ANAPC16: variants seen among roughly 807,000 people sequenced by gnomAD.
ANAPC16 encodes anaphase promoting complex subunit 16.
A neutral mutation model predicts 13.1 loss-of-function variants in ANAPC16; 6 were observed. The ratio of observed to expected loss-of-function variants is 0.46; its 90% CI spans 0.25 to 0.90. ANAPC16 has a LOEUF of 0.90. ANAPC16 is among the 40% of genes least tolerant of loss of function. The pLI is 0.18. For missense variants in ANAPC16, 113 were observed against 131.1 expected (o/e 0.86, Z 0.67); for synonymous variants, 55 against 51.3 (o/e 1.07, Z -0.31).
At chr10:72,222,424 A>C (rs1192740168) in intron 1 of ANAPC16, among the ~76,000 whole-genome samples, 1 of 42,072 alleles carries the variant, frequency 2.4e-5, no homozygotes, top group African/African-American at 8.5e-5. Context: ...AAATAAATAC[A>C]TACATACATA....
At chr10:72,232,934 T>C in intron 3 of ANAPC16, 67 bp from the exon 4 acceptor site, 1 of 1,259,300 alleles carries the variant, frequency 7.9e-7, no homozygotes, top group Admixed American at 1.7e-5. Flanking sequence ...GTCATCATCT[T>C]GGTGGCTGGT....
chr10:72,227,557 G>A (rs1860160419), intron 2 of ANAPC16, among the ~76,000 whole-genome samples: 1 of 151,854 alleles, frequency 6.6e-6, no homozygotes, highest in Non-Finnish European at 1.5e-5. Flanking sequence ...ATGTAGAGAT[G>A]GCAACCCCTA....
intron 1 of ANAPC16, among the ~76,000 whole-genome samples, chr10:72,221,503 G>A (rs1859928741): frequency 6.6e-6 from 1 of 150,842 alleles, no homozygotes; most frequent in Admixed American, 6.6e-5. Flanking sequence ...TTTCCATCAT[G>A]GCAGAAAGTT....
At chr10:72,229,228 CTTTT>C (rs201528335) in intron 2 of ANAPC16, among the ~76,000 whole-genome samples, 2 of 122,898 alleles carry the variant, frequency 1.6e-5, no homozygotes, top group Admixed American at 8.2e-5. Context: ...TTCTTTTTCT[CTTTT>C]TTTTTTTTTT....
chr10:72,218,169 T>A (rs1292081330), intron 1 of ANAPC16, among the ~76,000 whole-genome samples: 957 of 17,984 alleles, frequency 0.053, 187 homozygotes, highest in African/African-American at 0.19. Flanking sequence ...AAAAAAAATA[T>A]ATATATATAT....
rs567005382 is a variant in ANAPC16 at position 72,235,246 on chromosome 10, C to G, written c.*2130C>G. The stretch of plus-strand genomic sequence containing the variant: ...GGCGGATTGCCTGAGATCGGGAGTT[C>G]GAGACCAGCCTGGCCAACATGGTGA... On this transcript the variant is annotated 3_prime_UTR_variant, in exon 4 of 4. Coordinates refer to ENST00000299381, the MANE Select transcript of ANAPC16 (RefSeq NM_173473.4). 1 of 151,474 alleles carries G rather than the reference C, an allele frequency of 6.6e-6. No individual in the cohort carries two copies. Among genetic ancestry groups the G allele is most frequent in the Non-Finnish European group, 1.5e-5 (1 of 67,982 alleles). The allele number at this position is 151,474 out of a possible 1,614,324, so 9.4% of individuals were successfully genotyped here. A position where few individuals can be genotyped will look rare whatever the true frequency, so the allele number is the denominator to read the frequency against.
chr10:72,230,657 G>T (rs1860269347), intron 3 of ANAPC16, among the ~76,000 whole-genome samples: 1 of 152,202 alleles, frequency 6.6e-6, no homozygotes, highest in Non-Finnish European at 1.5e-5. Flanking sequence ...CACTTTGGGA[G>T]GCTGAGGCGG....
chr10:72,218,160 AAAAAAATATATATATATATATATATATAT>A (rs1859682997), intron 1 of ANAPC16, among the ~76,000 whole-genome samples: 1 of 39,164 alleles, frequency 2.6e-5, no homozygotes, highest in Non-Finnish European at 4.5e-5. Flanking sequence ...AAAAAAAAAA[AAAAAAATATATATATATATATATATATAT>A]ATATATATAT....
chr10:72,233,086 G>A lies in ANAPC16; in HGVS notation c.303G>A (p.Gln101=). ...ADEWRFKPIE[Q]LLGFTPSSG ...AGTGGCGGTTTAAGCCCATCGAGCA[G>A]CTGCTGGGATTCACCCCCTCTTCAG... The change falls in exon 4 of 4, where the codon CAG becomes CAA. Residue 101 remains glutamine, a synonymous_variant. Transcript: ENST00000299381. The A allele has an allele frequency of 6.2e-7, 1 of 1,614,194 alleles. No homozygotes were observed. Among genetic ancestry groups the A allele is most frequent in the Non-Finnish European group, 8.5e-7 (1 of 1,180,022 alleles).
chr10:72,216,219 G>C (rs1859274944), intron 1 of ANAPC16, 81 bp downstream of exon 1: 1 of 155,918 alleles, frequency 6.4e-6, no homozygotes, highest in Non-Finnish European at 1.4e-5. Context: ...GCAGGGACTA[G>C]AAAAATGGAG....
chr10:72,224,070 G>T lies in ANAPC16; in HGVS notation c.142+14G>T. Reference sequence around the variant, plus strand: ...AGATGTTAGAAGGTGATCTCATGCTGCTTTCTGAATAATTGGATTCAGATC... The same window carrying T: ...AGATGTTAGAAGGTGATCTCATGCTTCTTTCTGAATAATTGGATTCAGATC... On this transcript the variant is annotated intron_variant, in intron 2 of 3. Transcript: ENST00000299381. The T allele has an allele frequency of 6.4e-7, 1 of 1,567,508 alleles. No individual in the cohort carries two copies. The highest frequency in any genetic ancestry group is 8.7e-7 in the Non-Finnish European group (1 of 1,148,886).
chr10:72,219,741 CAAAAT>C (rs980396830), intron 1 of ANAPC16, among the ~76,000 whole-genome samples: 10 of 152,098 alleles, frequency 6.6e-5, no homozygotes, highest in Non-Finnish European at 1.5e-4. Flanking sequence ...TGTCTCCAAA[CAAAAT>C]AAAAAATAAA....
chr10:72,229,070 G>T (rs1860212877), intron 2 of ANAPC16, among the ~76,000 whole-genome samples: 2 of 151,372 alleles, frequency 1.3e-5, no homozygotes, highest in African/African-American at 2.4e-5. Context: ...GTTATAATTG[G>T]ACTTTTTAAG....
rs1860418900 is a variant in ANAPC16, at chr10:72,234,567, T to TG, written c.*1452dup. 6.6e-6 allele frequency: 1 copy of TG among 152,250 alleles called. No individual in the cohort carries two copies. Among genetic ancestry groups the TG allele is most frequent in the African/African-American group, 2.4e-5 (1 of 41,462 alleles). The allele number at this position is 152,250 out of a possible 1,614,324, so 9.4% of individuals were successfully genotyped here. A position where few individuals can be genotyped will look rare whatever the true frequency, so the allele number is the denominator to read the frequency against. ...CATTTATTACGTTGTATGCAAATTT[T>TG]GCCTTAGACAACATTTGTCTGGTTC... is the stretch of plus-strand genomic sequence containing the variant. On this transcript the variant is annotated 3_prime_UTR_variant, in exon 4 of 4. Transcript: ENST00000299381.
chr10:72,217,048 C>CAG, intron 1 of ANAPC16: 1 of 454,204 alleles, frequency 2.2e-6, no homozygotes, highest in Non-Finnish European at 4.4e-6. Flanking sequence ...GTCGTTTGTT[C>CAG]ATCATTCATT....
chr10:72,234,658 G>C lies in ANAPC16; in HGVS notation c.*1542G>C, dbSNP rs180917644. ...ATTATAAGTAAATATAATCCCAGTA[G>C]CATTTAGCCTTAATCTCAAGAGTTC... On this transcript the variant is annotated 3_prime_UTR_variant, in exon 4 of 4. Transcript: ENST00000299381. The C allele has an allele frequency of 7.9e-5, 12 of 152,282 alleles. No individual in the cohort carries two copies. Among genetic ancestry groups the C allele is most frequent in the Admixed American group, 7.9e-4 (12 of 15,282 alleles). The allele number at this position is 152,282 out of a possible 1,614,324, so 9.4% of individuals were successfully genotyped here.
chr10:72,232,933 TTGG>T, intron 3 of ANAPC16, 65 bp from the exon 4 acceptor site: 1 of 1,246,968 alleles, frequency 8.0e-7, no homozygotes, highest in South Asian at 1.2e-5. Context: ...AGTCATCATC[TTGG>T]TGGCTGGTGG....
rs1199520426 is a variant in ANAPC16 at position 72,235,221 on chromosome 10, G to A, written c.*2105G>A. 2.0e-5 allele frequency: 3 copies of A among 152,040 alleles called. No homozygotes were observed. Among genetic ancestry groups the A allele is most frequent in the Non-Finnish European group, 4.4e-5 (3 of 68,050 alleles). The allele number at this position is 152,040 out of a possible 1,614,324, so 9.4% of individuals were successfully genotyped here. On this transcript the variant is annotated 3_prime_UTR_variant, in exon 4 of 4. Transcript: ENST00000299381. ...CCCGGCACTTTGGGAGGCTGAGGCA[G>A]GCGGATTGCCTGAGATCGGGAGTTC...
intron 1 of ANAPC16, chr10:72,216,948 A>G (rs1436839086): frequency 2.2e-6 from 1 of 456,264 alleles, no homozygotes; most frequent in South Asian, 1.5e-5. Context: ...CACAATGAGA[A>G]AGAAAAAAAT....
Sources: allele counts gnomAD v4.1 joint callset (sites outside exome capture counted in the v4.1 genomes callset), GRCh38; gene constraint gnomAD v4.1.1; transcripts MANE v1.5; gene names NCBI Gene and HGNC (gene_info 2026-07-23, HGNC 2026-07-21).